CSE1L: variants seen among roughly 807,000 people sequenced by gnomAD.
CSE1L encodes chromosome segregation 1 like.
CSE1L carries 24 observed loss-of-function variants against 120.4 expected under a neutral mutation model. The ratio of observed to expected loss-of-function variants is 0.20; its 90% confidence interval spans 0.14 to 0.28. The LOEUF (loss-of-function observed/expected upper bound fraction) is 0.28, where lower values mean the gene tolerates loss of function less well. CSE1L is among the 10% of genes least tolerant of loss of function. The pLI, the probability that CSE1L is intolerant of heterozygous loss-of-function variation, is 1.00. For missense variants in CSE1L, 830 were observed against 1,145.2 expected (o/e 0.72, Z 3.97); for synonymous variants, 402 against 398.3 (o/e 1.01, Z -0.11).
At chr20:49,094,667 T>C (rs2092126071) in intron 23 of CSE1L, 65 bp from the exon 24 acceptor site, 1 of 1,096,854 alleles carries the variant, frequency 9.1e-7, no homozygotes, top group African/African-American at 1.6e-5. Context: ...CTCTGAGCAA[T>C]TGCTGGTTTT....
At chr20:49,050,385 ATTTTTT>A (rs1243770980) in intron 1 of CSE1L, among the ~76,000 whole-genome samples, 32 of 79,032 alleles carry the variant, frequency 4.0e-4, no homozygotes, top group African/African-American at 1.4e-3. Context: ...AGCCCAGCTA[ATTTTTT>A]TTTTTTTTTT....
At chr20:49,088,257 ATGCT>A in intron 17 of CSE1L, 151 bp downstream of exon 17, 1 of 639,314 alleles carries the variant, frequency 1.6e-6, no homozygotes, top group South Asian at 1.8e-5. Context: ...AAGTGTGGGC[ATGCT>A]GTTAGATTGG....
intron 13 of CSE1L, among the ~76,000 whole-genome samples, chr20:49,077,589 T>A (rs2091979315): frequency 6.6e-6 from 1 of 152,226 alleles, no homozygotes; most frequent in East Asian, 1.9e-4. Flanking sequence ...AAACTGTAAC[T>A]CAGCTTTGCT....
At chr20:49,079,084 G>A (rs578233083) in intron 14 of CSE1L, among the ~76,000 whole-genome samples, 1 of 152,148 alleles carries the variant, frequency 6.6e-6, no homozygotes, top group African/African-American at 2.4e-5. Flanking sequence ...GTAGATCCGG[G>A]GTTTCCCCAT....
chr20:49,061,752 C>T (rs1173092580), intron 2 of CSE1L, among the ~76,000 whole-genome samples: 1 of 152,048 alleles, frequency 6.6e-6, no homozygotes, highest in African/African-American at 2.4e-5. Flanking sequence ...ATCCACTCGT[C>T]TCGGCCTCCC....
At chr20:49,077,093 C>T (rs775019454) in intron 13 of CSE1L, 29 bp downstream of exon 13, 1 of 1,381,300 alleles carries the variant, frequency 7.2e-7, no homozygotes. Flanking sequence ...GCTTTTTTTA[C>T]AGCTTGCCAC....
intron 24 of CSE1L, 46 bp from the exon 25 acceptor site, chr20:49,096,303 G>A (rs761416394): frequency 9.0e-6 from 13 of 1,450,928 alleles, no homozygotes; most frequent in Middle Eastern, 1.7e-4. Flanking sequence ...TTGTATTGGC[G>A]CACCAAGATC....
At chr20:49,093,809 CAGG>C (rs1357832965) in intron 22 of CSE1L, among the ~76,000 whole-genome samples, 3 of 151,528 alleles carry the variant, frequency 2.0e-5, no homozygotes, top group Non-Finnish European at 4.4e-5. Flanking sequence ...CCCACCTACT[CAGG>C]GGGCTGAGGC....
At chr20:49,047,482 G>C (rs554188737) in intron 1 of CSE1L, among the ~76,000 whole-genome samples, 7 of 150,670 alleles carry the variant, frequency 4.6e-5, no homozygotes, top group Admixed American at 6.6e-5. Flanking sequence ...AAGGCAGGCC[G>C]CCTCTCCCAA....
rs148692703 is a variant in CSE1L at position 49,089,049 on chromosome 20, G to A, written c.1822-198G>A. Among the ~76,000 whole-genome samples the A allele has an allele frequency of 1.4e-3, 214 of 152,092 alleles. 1 individual carries two copies. The highest frequency in any genetic ancestry group is 6.8e-3 in the Middle Eastern group (2 of 294). ...ATCTGAGGTTTGTATAAGCAACTCT[G>A]TAACTCTGAAGTATTTTTTTCATGG... is the stretch of plus-strand genomic sequence containing the variant. On this transcript the variant is annotated intron_variant, in intron 17 of 24. Transcript: ENST00000262982.
intron 24 of CSE1L, chr20:49,095,257 AAG>A (rs2092131001): frequency 2.7e-6 from 1 of 375,962 alleles, no homozygotes; most frequent in Non-Finnish European, 4.9e-6. Context: ...ACTTTATAAT[AAG>A]AGTTTATTTC....
At position 49,096,371 on chromosome 20, in the gene CSE1L, G is replaced by T. The variant is rs148419512; in HGVS notation, c.2849G>T (p.Ser950Ile). Residue 950 changes from serine (S) to isoleucine (I), a missense_variant, in exon 25 of 25, where the codon AGC (serine) becomes ATC (isoleucine). Transcript: ENST00000262982. ...TAGGTTCCATCAATGGTGAGCACCA[G>T]CCTGAATGCAGAAGCGCTCCAGTAT... ...PGRVPSMVSTSLNAEALQYLQ... is the reference protein window; with the variant it reads ...PGRVPSMVSTILNAEALQYLQ... 1 of 1,614,084 alleles carries T rather than the reference G, an allele frequency of 6.2e-7. No homozygotes were observed. Among genetic ancestry groups the T allele is most frequent in the Non-Finnish European group, 8.5e-7 (1 of 1,179,978 alleles).
intron 8 of CSE1L, among the ~76,000 whole-genome samples, chr20:49,070,852 C>G (rs1261377995): frequency 1.3e-5 from 2 of 152,152 alleles, no homozygotes; most frequent in East Asian, 1.9e-4. Flanking sequence ...GTGAGGATCC[C>G]TTGACCTTGA....
chr20:49,077,762 T>C (rs1486675257), intron 13 of CSE1L, among the ~76,000 whole-genome samples: 1 of 152,122 alleles, frequency 6.6e-6, no homozygotes. Context: ...TCCCAGCACT[T>C]TGGGAGACTG....
chr20:49,086,890 T>A (rs922654492), intron 16 of CSE1L, among the ~76,000 whole-genome samples: 1 of 152,160 alleles, frequency 6.6e-6, no homozygotes, highest in African/African-American at 2.4e-5. Context: ...AGCTGAGATA[T>A]GACCTAACCG....
At position 49,094,795 on chromosome 20, in the gene CSE1L, TGAG is replaced by T; in HGVS notation, c.2661_2663del (p.Glu888del). 6.2e-7 allele frequency: 1 copy of T among 1,614,110 alleles called. No individual in the cohort carries two copies. Among genetic ancestry groups the T allele is most frequent in the Non-Finnish European group, 8.5e-7 (1 of 1,180,000 alleles). ...TACCCGAAGATGATACCATTCCTGA[TGAG>T]GAACATTTTATTGACATAGAAGATA... On this transcript the variant is annotated inframe_deletion, in exon 24 of 25. Coordinates refer to ENST00000262982, the MANE Select transcript of CSE1L (RefSeq NM_001316.4).
At chr20:49,071,302 C>T (rs2091929774) in intron 8 of CSE1L, among the ~76,000 whole-genome samples, 1 of 152,104 alleles carries the variant, frequency 6.6e-6, no homozygotes, top group African/African-American at 2.4e-5. Flanking sequence ...TATTTCAGTC[C>T]AATGGGAGGG....
chr20:49,093,557 CCTCT>C (rs1417882700), intron 22 of CSE1L, among the ~76,000 whole-genome samples: 6 of 142,476 alleles, frequency 4.2e-5, no homozygotes, highest in Non-Finnish European at 9.0e-5. Flanking sequence ...CCTCCTTGCT[CCTCT>C]CTCTTTTTTT....
chr20:49,081,198 G>A (rs1052665132), intron 14 of CSE1L, among the ~76,000 whole-genome samples: 2 of 151,994 alleles, frequency 1.3e-5, no homozygotes. Flanking sequence ...TGGCCAGACT[G>A]GTCTCAAACT....
Sources: allele counts gnomAD v4.1 joint callset (sites outside exome capture counted in the v4.1 genomes callset), GRCh38; gene constraint gnomAD v4.1.1; transcripts MANE v1.5; gene names NCBI Gene and HGNC (gene_info 2026-07-23, HGNC 2026-07-21).